BOP1: variants seen among roughly 807,000 people sequenced by gnomAD.
The protein encoded by BOP1 is BOP1 ribosomal biogenesis factor.
In BOP1, 54 loss-of-function variants were observed where a neutral mutation model predicts 82.9. The observed-to-expected ratio is 0.65, with a 90% confidence interval of 0.52 to 0.82. BOP1 has a LOEUF of 0.82. Ranked by LOEUF, BOP1 falls within the 40% of genes least tolerant of loss-of-function variation. The pLI, the probability that BOP1 is intolerant of heterozygous loss-of-function variation, is 0.00. For synonymous variants in BOP1, 566 were observed against 451.1 expected (o/e 1.25, Z -3.23); for missense variants, 1,170 against 1,072.0 (o/e 1.09, Z -1.28).
At chr8:144,289,995 G>C (rs2130277738) in intron 1 of BOP1, among the ~76,000 whole-genome samples, 1 of 152,344 alleles carries the variant, frequency 6.6e-6, no homozygotes, top group African/African-American at 2.4e-5. Context: ...CTGGCTGCGT[G>C]ACACCGGCAC....
At chr8:144,288,766 C>T (rs1814955008) in intron 2 of BOP1, among the ~76,000 whole-genome samples, 1 of 152,158 alleles carries the variant, frequency 6.6e-6, no homozygotes, top group Admixed American at 6.5e-5. Flanking sequence ...CTGCTCAGCT[C>T]CCTCCTCAGC....
At chr8:144,267,352 C>G (rs879094205) in intron 3 of BOP1, among the ~76,000 whole-genome samples, 55,479 of 151,966 alleles carry the variant, frequency 0.37, 12,048 homozygotes, top group East Asian at 0.66. Context: ...GGCTCCTCTC[C>G]AGGGCGTCCC....
Position 144,264,717 on chromosome 8 carries a change from A to G in BOP1, c.660T>C (p.Tyr220=). 1 of 1,573,564 alleles carries G rather than the reference A, an allele frequency of 6.4e-7. No individual in the cohort carries two copies. The highest frequency in any genetic ancestry group is 8.6e-7 in the Non-Finnish European group (1 of 1,160,214). ...GQFGDVGFNP[Y]EPAVDFFSGD... ...GGGGCCAGCCCCTGCCACCTACCTC[A>G]TAGGGGTTGAAGCCCACATCCCCAA... Residue 220 remains tyrosine, a synonymous_variant, in exon 5 of 16, where the codon TAT becomes TAC. Coordinates refer to ENST00000569669, the MANE Select transcript of BOP1 (RefSeq NM_015201.5).
At chr8:144,271,490 C>T (rs981712524) in intron 3 of BOP1, among the ~76,000 whole-genome samples, 97 of 152,182 alleles carry the variant, frequency 6.4e-4, no homozygotes, top group African/African-American at 2.3e-3. Flanking sequence ...GTTCAGCGTT[C>T]GCGCCGCTCC....
intron 3 of BOP1, 140 bp from the exon 4 acceptor site, chr8:144,265,211 T>C: frequency 1.0e-6 from 1 of 968,426 alleles, no homozygotes; most frequent in Non-Finnish European, 1.5e-6. Flanking sequence ...GGCCCTGACC[T>C]ACGCCTGTTC....
intron 3 of BOP1, among the ~76,000 whole-genome samples, chr8:144,266,365 C>A (rs1026363197): frequency 6.6e-6 from 1 of 151,766 alleles, no homozygotes; most frequent in Non-Finnish European, 1.5e-5. Context: ...GGGCGCTGCT[C>A]GAGGAGCCTC....
At chr8:144,285,934 C>T (rs1487216603) in intron 2 of BOP1, among the ~76,000 whole-genome samples, 5 of 152,234 alleles carry the variant, frequency 3.3e-5, no homozygotes, top group African/African-American at 7.2e-5. Flanking sequence ...CTGGGCATGA[C>T]GGGGCCATCT....
At chr8:144,267,212 C>T (rs1845394403) in intron 3 of BOP1, 2 of 1,487,472 alleles carry the variant, frequency 1.3e-6, no homozygotes, top group Non-Finnish European at 8.8e-7. Context: ...CCGAGGGGGG[C>T]CTCCAACGCG....
Position 144,280,651 on chromosome 8 carries a change from G to A in BOP1, c.310-4347C>T, listed in dbSNP as rs1409028029. Among the ~76,000 whole-genome samples, 9 of 152,326 alleles carry A rather than the reference G, an allele frequency of 5.9e-5. No individual in the cohort carries two copies. In the East Asian group the frequency reaches 1.7e-3, roughly 29 times the overall value. On this transcript the variant is annotated intron_variant, in intron 2 of 15. Coordinates refer to ENST00000569669, the MANE Select transcript of BOP1 (RefSeq NM_015201.5). Reference sequence around the variant, plus strand: ...GCGGATCAGTTGAGGTTAAGAGTTCGAGACCAGACTGGCCTACATGGAAAA... The same window carrying A: ...GCGGATCAGTTGAGGTTAAGAGTTCAAGACCAGACTGGCCTACATGGAAAA...
chr8:144,268,491 C>A, intron 3 of BOP1: 1 of 404,972 alleles, frequency 2.5e-6, no homozygotes, highest in South Asian at 2.8e-5. Flanking sequence ...ATATGGAGGC[C>A]AACTGTCCTC....
chr8:144,290,050 AACTTAG>A (rs1218001278), intron 1 of BOP1, among the ~76,000 whole-genome samples: 3 of 152,238 alleles, frequency 2.0e-5, no homozygotes, highest in Admixed American at 6.5e-5. Flanking sequence ...GTGGAACAAG[AACTTAG>A]ACTCTTAGGA....
At position 144,280,445 on chromosome 8, in the gene BOP1, G is replaced by A. The variant is rs587632998; in HGVS notation, c.310-4141C>T. Among the ~76,000 whole-genome samples, 94 of 152,374 alleles carry A rather than the reference G, an allele frequency of 6.2e-4. 1 individual carries two copies. Among genetic ancestry groups the A allele is most frequent in the African/African-American group, 2.1e-3 (86 of 41,594 alleles). The stretch of plus-strand genomic sequence containing the variant: ...GGGGGCCCGAGCCCAGGGTTCCCAC[G>A]CTGCAGCAACGCGGCCTGCCACCTG... On this transcript the variant is annotated intron_variant, in intron 2 of 15. Coordinates refer to ENST00000569669, the MANE Select transcript of BOP1 (RefSeq NM_015201.5).
Position 144,281,228 on chromosome 8 carries a change from G to A in BOP1, c.310-4924C>T, listed in dbSNP as rs1845672858. On this transcript the variant is annotated intron_variant, in intron 2 of 15. Transcript: ENST00000569669. ...CTCTCAGTTTAATACCAGGTCTTCG[G>A]CCTTCCCTCAGTTTAATACCAGGTC... Among the ~76,000 whole-genome samples the A allele has an allele frequency of 3.0e-3, 21 of 7,038 alleles. 7 individuals are homozygous for A. Among genetic ancestry groups the A allele is most frequent in the African/African-American group, 6.2e-3 (20 of 3,232 alleles). The allele number at this position is 7,038 out of a possible 152,430, so 4.6% of individuals were successfully genotyped here. A position where few individuals can be genotyped will look rare whatever the true frequency, so the allele number is the denominator to read the frequency against.
chr8:144,278,830 G>C (rs1469906954), intron 2 of BOP1, among the ~76,000 whole-genome samples: 2 of 152,236 alleles, frequency 1.3e-5, no homozygotes, highest in Non-Finnish European at 2.9e-5. Context: ...GATGGCTCGT[G>C]TGACAGCAAC....
intron 2 of BOP1, among the ~76,000 whole-genome samples, chr8:144,280,825 C>T (rs1010052716): frequency 2.0e-5 from 3 of 152,098 alleles, no homozygotes; most frequent in Admixed American, 6.6e-5. Context: ...GCACTCCAGC[C>T]CGGGTGACAG....
chr8:144,265,292 T>G, intron 3 of BOP1: 1 of 609,268 alleles, frequency 1.6e-6, no homozygotes, highest in Non-Finnish European at 2.9e-6. Flanking sequence ...GCGCCGGAGC[T>G]GCACCTTCAC....
In BOP1 at chr8:144,264,132, C is replaced by A; in HGVS notation, c.989G>T (p.Trp330Leu). The change falls in exon 8 of 16, where the codon TGG becomes TTG. Residue 330 changes from tryptophan (W) to leucine (L), a missense_variant. Trp to Leu is a moderately conservative substitution (Grantham distance 61). Transcript: ENST00000569669. ...YLLSEEERLA[W>L]EQQEPGERKL... ...CCTCTCGCCTGGCTCCTGCTGTTCC[C>A]ACGCCAAGCGCTGTGGAGACCAAGA... is the stretch of plus-strand genomic sequence containing the variant. The A allele has an allele frequency of 6.2e-7, 1 of 1,610,772 alleles. No individual in the cohort carries two copies. The highest frequency in any genetic ancestry group is 2.2e-5 in the East Asian group (1 of 44,822).
chr8:144,289,029 T>C, intron 2 of BOP1, 66 bp downstream of exon 2: 1 of 1,558,156 alleles, frequency 6.4e-7, no homozygotes, highest in Non-Finnish European at 8.8e-7. Context: ...ACAGTGGCAG[T>C]CTCAGAAAGC....
Position 144,280,245 on chromosome 8 carries a change from GCCCTGGC to G in BOP1, c.310-3948_310-3942del, listed in dbSNP as rs139790509. Among the ~76,000 whole-genome samples, 998 of 152,328 alleles carry G rather than the reference GCCCTGGC, an allele frequency of 6.6e-3. 9 individuals are homozygous for G. Among genetic ancestry groups the G allele is most frequent in the African/African-American group, 0.023 (952 of 41,566 alleles). ...GAGGCAAGAGCGGAGTTTACCACCA[GCCCTGGC>G]CCCTGGTTCCATCCCCAGCTCTGTG... On this transcript the variant is annotated intron_variant, in intron 2 of 15. Coordinates refer to ENST00000569669, the MANE Select transcript of BOP1 (RefSeq NM_015201.5).
Sources: allele counts gnomAD v4.1 joint callset (sites outside exome capture counted in the v4.1 genomes callset), GRCh38; gene constraint gnomAD v4.1.1; transcripts MANE v1.5; gene names NCBI Gene and HGNC (gene_info 2026-07-23, HGNC 2026-07-21).